Variants in ROBO1 observed in about 807,000 individuals in gnomAD.
The protein encoded by ROBO1 is roundabout homolog 1.
A neutral mutation model predicts 195.9 loss-of-function variants in ROBO1; 149 were observed. The ratio of observed to expected loss-of-function variants is 0.76; its 90% CI spans 0.67 to 0.87. The LOEUF (loss-of-function observed/expected upper bound fraction) is 0.87. Ranked by LOEUF, ROBO1 falls within the 40% of genes least tolerant of loss-of-function variation. The pLI is 0.00. For synonymous variants in ROBO1, 816 were observed against 733.2 expected (o/e 1.11, Z -1.82); for missense variants, 1,933 against 2,068.3 (o/e 0.93, Z 1.27).
At chr3:79,762,841 G>A (rs78421700) in intron 1 of ROBO1, among the ~76,000 whole-genome samples, 1 of 152,168 alleles carries the variant, frequency 6.6e-6, no homozygotes, top group Admixed American at 6.5e-5. Flanking sequence ...CTGATCCCAG[G>A]AAGTGGAAGT....
At chr3:79,519,765 T>A (rs1469842097) in intron 2 of ROBO1, among the ~76,000 whole-genome samples, 2 of 152,062 alleles carry the variant, frequency 1.3e-5, no homozygotes, top group Non-Finnish European at 2.9e-5. Flanking sequence ...TCTGATGTCT[T>A]CGCAAAATTA....
At chr3:78,958,299 A>G (rs2041149069) in intron 3 of ROBO1, among the ~76,000 whole-genome samples, 1 of 152,192 alleles carries the variant, frequency 6.6e-6, no homozygotes, top group Non-Finnish European at 1.5e-5. Flanking sequence ...AATGTACACT[A>G]AAGTTTGGGA....
chr3:79,355,284 A>T (rs2035506053), intron 2 of ROBO1, among the ~76,000 whole-genome samples: 1 of 152,158 alleles, frequency 6.6e-6, no homozygotes, highest in African/African-American at 2.4e-5. Flanking sequence ...ATTTTTATTT[A>T]TAATGCAGCT....
intron 3 of ROBO1, among the ~76,000 whole-genome samples, chr3:79,063,133 G>C (rs191478575): frequency 6.6e-6 from 1 of 151,888 alleles, no homozygotes; most frequent in African/African-American, 2.4e-5. Context: ...CATAGCCACA[G>C]AAAATAAATA....
chr3:79,129,571 C>G lies in ROBO1; in HGVS notation c.89-4032G>C, dbSNP rs143740408. On this transcript the variant is annotated intron_variant, in intron 2 of 30. Coordinates refer to ENST00000464233, the MANE Select transcript of ROBO1 (RefSeq NM_002941.4). The stretch of plus-strand genomic sequence containing the variant: ...AGTATAAATTATGTCCTCAAGGAAA[C>G]TTTGTCTTTAAATATAATAATTCAT... 1.2e-3 allele frequency among the ~76,000 whole-genome samples: 182 copies of G among 152,132 alleles called. 4 individuals are homozygous for G. In the East Asian group the frequency reaches 0.034, roughly 29 times the overall value.
At chr3:79,111,543 C>A (rs1030358759) in intron 3 of ROBO1, among the ~76,000 whole-genome samples, 7 of 152,040 alleles carry the variant, frequency 4.6e-5, no homozygotes, top group Non-Finnish European at 7.4e-5. Context: ...CCCATTCCAT[C>A]GCTGCTCATT....
chr3:79,189,075 T>C (rs942682798), intron 2 of ROBO1, among the ~76,000 whole-genome samples: 2 of 151,796 alleles, frequency 1.3e-5, no homozygotes, highest in African/African-American at 4.8e-5. Flanking sequence ...AACACATACA[T>C]TTCTGTTTTT....
chr3:79,128,721 G>A (rs370835491), intron 2 of ROBO1, among the ~76,000 whole-genome samples: 300 of 152,260 alleles, frequency 2.0e-3, no homozygotes, highest in Admixed American at 3.1e-3. Flanking sequence ...TCGATGAGAC[G>A]TATACACTCT....
intron 8 of ROBO1, among the ~76,000 whole-genome samples, chr3:78,709,675 C>T (rs979055886): frequency 4.6e-5 from 7 of 152,070 alleles, no homozygotes; most frequent in African/African-American, 7.2e-5. Flanking sequence ...ATATTTCATC[C>T]ATGTTTTGAA....
At chr3:79,741,394 T>A (rs923244185) in intron 1 of ROBO1, among the ~76,000 whole-genome samples, 5 of 149,400 alleles carry the variant, frequency 3.3e-5, no homozygotes, top group Admixed American at 2.0e-4. Context: ...AGATTTGACT[T>A]TTTTTTTTAG....
At chr3:79,608,104 C>T (rs1944546828) in intron 1 of ROBO1, among the ~76,000 whole-genome samples, 1 of 151,888 alleles carries the variant, frequency 6.6e-6, no homozygotes, top group Admixed American at 6.6e-5. Flanking sequence ...ATAGACAGTC[C>T]TGGGTATACA....
intron 10 of ROBO1, among the ~76,000 whole-genome samples, chr3:78,682,800 T>A (rs1180513716): frequency 6.7e-6 from 1 of 150,038 alleles, no homozygotes; most frequent in African/African-American, 2.4e-5. Flanking sequence ...TTGAATTGTA[T>A]GAGCCAAGTG....
chr3:79,004,095 T>G (rs2077567439), intron 3 of ROBO1, among the ~76,000 whole-genome samples: 1 of 152,194 alleles, frequency 6.6e-6, no homozygotes, highest in Non-Finnish European at 1.5e-5. Context: ...CAACCTATTT[T>G]GTGAGATCCA....
intron 26 of ROBO1, among the ~76,000 whole-genome samples, chr3:78,618,529 C>CTTTA (rs766180919): frequency 6.6e-6 from 1 of 151,856 alleles, no homozygotes; most frequent in Non-Finnish European, 1.5e-5. Flanking sequence ...TTCATCTTCA[C>CTTTA]TATAAAGAGT....
intron 4 of ROBO1, among the ~76,000 whole-genome samples, chr3:78,821,717 G>C (rs1339807388): frequency 6.6e-6 from 1 of 152,146 alleles, no homozygotes; most frequent in Non-Finnish European, 1.5e-5. Context: ...TTGGCCCAAA[G>C]AGATTGAGGT....
At chr3:79,046,004 C>G (rs1011106549) in intron 3 of ROBO1, among the ~76,000 whole-genome samples, 3 of 152,264 alleles carry the variant, frequency 2.0e-5, no homozygotes. Context: ...TCTAAGTTGG[C>G]CTTCCCTGAT....
intron 3 of ROBO1, among the ~76,000 whole-genome samples, chr3:78,993,165 C>T (rs1469664735): frequency 6.6e-6 from 1 of 152,146 alleles, no homozygotes; most frequent in Non-Finnish European, 1.5e-5. Context: ...AATTAGTTCA[C>T]ACTTGTGAAT....
At chr3:79,543,386 G>C (rs4361245) in intron 2 of ROBO1, among the ~76,000 whole-genome samples, 86,814 of 151,766 alleles carry the variant, frequency 0.57, 24,957 homozygotes, top group Non-Finnish European at 0.6. Context: ...GATTTGTGTT[G>C]CCTTGCACAG....
At chr3:79,337,490 G>A (rs373268915) in intron 2 of ROBO1, among the ~76,000 whole-genome samples, 4 of 152,226 alleles carry the variant, frequency 2.6e-5, no homozygotes, top group South Asian at 4.1e-4. Context: ...GAAGAAGGAC[G>A]TGTTTGCTTC....
Sources: allele counts gnomAD v4.1 joint callset (sites outside exome capture counted in the v4.1 genomes callset), GRCh38; gene constraint gnomAD v4.1.1; transcripts MANE v1.5; gene names NCBI Gene and HGNC (gene_info 2026-07-23, HGNC 2026-07-21).